HSD17B12: variants seen among roughly 807,000 people sequenced by gnomAD.
HSD17B12 encodes hydroxysteroid 17-beta dehydrogenase 12.
In HSD17B12, 32 loss-of-function variants were observed where a neutral mutation model predicts 39.3. The ratio of observed to expected loss-of-function variants is 0.81; its 90% CI spans 0.61 to 1.09. The LOEUF is 1.09. Among genes scored for constraint, HSD17B12 ranks in the 50% least tolerant of loss-of-function variants. The pLI is 0.00. For synonymous variants in HSD17B12, 150 were observed against 146.7 expected, an observed-to-expected ratio of 1.02 and a Z score of -0.16; for missense variants, 342 against 382.9, an observed-to-expected ratio of 0.89 and a Z score of 0.89.
chr11:43,565,801 C>T, the HSD17B12 span, among the ~76,000 whole-genome samples: 1 of 152,222 alleles, frequency 6.6e-6, no homozygotes, highest in Non-Finnish European at 1.5e-5. Flanking sequence ...TAAAATGCTT[C>T]ATCCTAGAAG....
At chr11:43,633,670 C>G in the HSD17B12 span, among the ~76,000 whole-genome samples, 1 of 152,114 alleles carries the variant, frequency 6.6e-6, no homozygotes, top group Admixed American at 6.6e-5. Context: ...TTTAGCTGTT[C>G]CACGTAATGG....
At chr11:43,741,915 T>C (rs185681432) in intron 1 of HSD17B12, among the ~76,000 whole-genome samples, 1,640 of 149,962 alleles carry the variant, frequency 0.011, 48 homozygotes, top group African/African-American at 0.038. Flanking sequence ...TTTGTGTTTT[T>C]AGTAGAGACA....
rs60598991 is a variant in HSD17B12 at position 43,757,639 on chromosome 11, C to CAAAAAAAA, written c.283+3539_283+3546dup. On this transcript the variant is annotated intron_variant, in intron 3 of 10. Coordinates refer to ENST00000278353, the MANE Select transcript of HSD17B12 (RefSeq NM_016142.3). ...TGGGCGACAGAGCGAGACTCCGTCTCAAAAAAAAAAAAAAAAAAAAAAAAA... is the reference window on the plus strand; with the variant it reads ...TGGGCGACAGAGCGAGACTCCGTCTCAAAAAAAAAAAAAAAAAAAAAAAAAAAAAAAAA... Among the ~76,000 whole-genome samples the CAAAAAAAA allele has an allele frequency of 1.4e-3, 10 of 7,206 alleles. 3 individuals carry two copies. Among genetic ancestry groups the CAAAAAAAA allele is most frequent in the African/African-American group, 1.5e-3 (4 of 2,630 alleles). 4.7% of individuals were successfully genotyped at this position (7,206 alleles called of 152,430 possible). A position where few individuals can be genotyped will look rare whatever the true frequency, so the allele number is the denominator to read the frequency against.
the HSD17B12 span, among the ~76,000 whole-genome samples, chr11:43,563,372 C>A: frequency 1.4e-4 from 21 of 152,340 alleles, 1 homozygote; most frequent in East Asian, 4.0e-3. Flanking sequence ...CTCGCCTGAA[C>A]AATAAGCCAC....
intron 1 of HSD17B12, among the ~76,000 whole-genome samples, chr11:43,739,817 CACA>C (rs1169847303): frequency 6.6e-6 from 1 of 152,126 alleles, no homozygotes; most frequent in Non-Finnish European, 1.5e-5. Context: ...AAAATTTCAG[CACA>C]ACTGGGGCAT....
the HSD17B12 span, among the ~76,000 whole-genome samples, chr11:43,659,432 T>G: frequency 2.6e-3 from 397 of 152,306 alleles, 2 homozygotes; most frequent in African/African-American, 8.6e-3. Context: ...CCCAGTGAGA[T>G]GAAACCGGTA....
At chr11:43,690,871 G>A (rs1280707909) in intron 1 of HSD17B12, among the ~76,000 whole-genome samples, 1 of 152,036 alleles carries the variant, frequency 6.6e-6, no homozygotes, top group Non-Finnish European at 1.5e-5. Context: ...AATGTGTGTG[G>A]AATACTTAGA....
chr11:43,637,870 G>C, the HSD17B12 span, among the ~76,000 whole-genome samples: 1 of 152,266 alleles, frequency 6.6e-6, no homozygotes, highest in Non-Finnish European at 1.5e-5. Flanking sequence ...ATTGTGGATG[G>C]GGAGGGGTTA....
intron 1 of HSD17B12, among the ~76,000 whole-genome samples, chr11:43,743,761 G>A (rs1950389083): frequency 6.6e-6 from 1 of 152,160 alleles, no homozygotes; most frequent in South Asian, 2.1e-4. Flanking sequence ...GCATTGTATT[G>A]AGGGTCACAG....
chr11:43,682,560 A>AAAAAC (rs1949759214), intron 1 of HSD17B12, among the ~76,000 whole-genome samples: 1 of 148,102 alleles, frequency 6.8e-6, no homozygotes, highest in South Asian at 2.1e-4. Flanking sequence ...AAAAAAAAAA[A>AAAAAC]AAAAAACAGA....
At chr11:43,698,633 A>G (rs1163877127) in intron 1 of HSD17B12, among the ~76,000 whole-genome samples, 2 of 152,150 alleles carry the variant, frequency 1.3e-5, no homozygotes, top group African/African-American at 4.8e-5. Context: ...TTGATCAGCT[A>G]TTCTGTTTTT....
the HSD17B12 span, among the ~76,000 whole-genome samples, chr11:43,600,823 C>T: frequency 3.3e-5 from 5 of 151,680 alleles, no homozygotes; most frequent in Non-Finnish European, 5.9e-5. Flanking sequence ...GTGTATGGCA[C>T]GTAATAAGGA....
chr11:43,650,914 TA>T, the HSD17B12 span, among the ~76,000 whole-genome samples: 2 of 152,238 alleles, frequency 1.3e-5, no homozygotes, highest in Admixed American at 1.3e-4. Context: ...ACTTGTCCAT[TA>T]GTTACTTAGT....
chr11:43,558,326 C>A, the HSD17B12 span, among the ~76,000 whole-genome samples: 1 of 152,142 alleles, frequency 6.6e-6, no homozygotes, highest in Non-Finnish European at 1.5e-5. Flanking sequence ...CTCCCTCCCC[C>A]GCGTCTTTCA....
chr11:43,660,392 A>G, the HSD17B12 span, among the ~76,000 whole-genome samples: 2 of 152,252 alleles, frequency 1.3e-5, no homozygotes, highest in African/African-American at 4.8e-5. Flanking sequence ...CAAATGTCCA[A>G]TAAGACATTG....
intron 7 of HSD17B12, among the ~76,000 whole-genome samples, chr11:43,836,691 A>T (rs1260593536): frequency 6.6e-6 from 1 of 152,132 alleles, no homozygotes; most frequent in Non-Finnish European, 1.5e-5. Flanking sequence ...CTAAATTAAA[A>T]ATCTCCTGTA....
intron 1 of HSD17B12, among the ~76,000 whole-genome samples, chr11:43,708,869 T>C (rs1950039059): frequency 6.6e-6 from 1 of 152,238 alleles, no homozygotes; most frequent in Non-Finnish European, 1.5e-5. Flanking sequence ...TACTGAAACA[T>C]CATTCCCAAT....
intron 6 of HSD17B12, among the ~76,000 whole-genome samples, chr11:43,819,662 T>C (rs1326181386): frequency 6.6e-6 from 1 of 152,234 alleles, no homozygotes; most frequent in African/African-American, 2.4e-5. Flanking sequence ...CATTGGCATA[T>C]ATACTTGTTC....
intron 10 of HSD17B12, 77 bp from the exon 11 acceptor site, chr11:43,855,065 TAA>T: frequency 8.6e-7 from 1 of 1,159,116 alleles, no homozygotes; most frequent in Non-Finnish European, 1.2e-6. Flanking sequence ...AACACTATAA[TAA>T]AACATTAAAT....
Sources: gnomAD v4.1 joint callset for allele counts (sites outside exome capture counted in the v4.1 genomes callset) on GRCh38, gnomAD v4.1.1 for gene constraint, MANE v1.5 for transcripts, NCBI Gene and HGNC (gene_info 2026-07-23, HGNC 2026-07-21) for gene names.